DDX18: variants seen among roughly 807,000 people sequenced by gnomAD.
DDX18 encodes ATP-dependent RNA helicase DDX18.
In DDX18, 23 loss-of-function variants were observed where a neutral mutation model predicts 73.5. The observed-to-expected ratio is 0.31, with a 90% confidence interval of 0.23 to 0.44. The LOEUF is 0.44. DDX18 is among the 20% of genes least tolerant of loss of function. DDX18 has a pLI of 1.00. For missense variants in DDX18, 753 were observed against 792.9 expected (o/e 0.95, Z 0.60); for synonymous variants, 268 against 282.7 (o/e 0.95, Z 0.52).
chr2:117,823,752 CT>C, intron 7 of DDX18, among the ~76,000 whole-genome samples: 1 of 152,238 alleles, frequency 6.6e-6, no homozygotes, highest in East Asian at 1.9e-4. Context: ...AGCATTCAGT[CT>C]TTTACCATTA....
chr2:117,815,285 C>T (rs1239407042), intron 1 of DDX18, among the ~76,000 whole-genome samples: 1 of 152,144 alleles, frequency 6.6e-6, no homozygotes, highest in Non-Finnish European at 1.5e-5. Flanking sequence ...TATTTCTTTC[C>T]CCAAAAGCCC....
rs1221735161 is a variant in DDX18 at position 117,826,313 on chromosome 2, G to A, written c.1566G>A (p.Gly522=). ...GTAGAACAGCCAGAGGCCTAAATGG[G>A]AGAGGGCATGCCTTGCTCATTTTGC... ...RVGRTARGLN[G]RGHALLILRP... The change falls in exon 11 of 14, where the codon GGG becomes GGA. Residue 522 remains glycine (G), a synonymous_variant. Transcript: ENST00000263239. 1 of 1,614,004 alleles carries A rather than the reference G, an allele frequency of 6.2e-7. No homozygotes were observed. Among genetic ancestry groups the A allele is most frequent in the Non-Finnish European group, 8.5e-7 (1 of 1,179,976 alleles).
Position 117,814,758 on chromosome 2 carries a change from C to G in DDX18, c.-20C>G, listed in dbSNP as rs745507097. On this transcript the variant is annotated 5_prime_UTR_variant, in exon 1 of 14. Transcript: ENST00000263239. ...TAGCTGTACTGTGTGGCGCCTTATTCTAGGCACTTGTTGGGCAGAATGTCA... is the reference window on the plus strand; with the variant it reads ...TAGCTGTACTGTGTGGCGCCTTATTGTAGGCACTTGTTGGGCAGAATGTCA... 6.2e-6 allele frequency: 10 copies of G among 1,613,466 alleles called. No homozygotes were observed. The highest frequency in any genetic ancestry group is 1.7e-5 in the Admixed American group (1 of 60,024).
Position 117,831,677 on chromosome 2 carries a change from T to G in DDX18, c.*953T>G, listed in dbSNP as rs1558736073. 1 of 152,146 alleles carries G rather than the reference T, an allele frequency of 6.6e-6. No homozygotes were observed. Among genetic ancestry groups the G allele is most frequent in the Non-Finnish European group, 1.5e-5 (1 of 68,020 alleles). 9.4% of individuals were successfully genotyped at this position (152,146 alleles called of 1,614,324 possible). ...CCCAGCACACATTAATGTTAGCTTCTTTCTGAGAAAAAAATACCTCTTCCA... is the reference window on the plus strand; with the variant it reads ...CCCAGCACACATTAATGTTAGCTTCGTTCTGAGAAAAAAATACCTCTTCCA... On this transcript the variant is annotated 3_prime_UTR_variant, in exon 14 of 14. Coordinates refer to ENST00000263239, the MANE Select transcript of DDX18 (RefSeq NM_006773.4).
At chr2:117,825,634 T>A (rs1420645258) in intron 10 of DDX18, 35 bp downstream of exon 10, 2 of 1,603,922 alleles carry the variant, frequency 1.2e-6, no homozygotes, top group East Asian at 4.5e-5. Flanking sequence ...TCAGAATGAC[T>A]CTGCATTAAA....
At chr2:117,829,125 G>A (rs983560026) in intron 12 of DDX18, 120 bp downstream of exon 12, 131 of 1,130,636 alleles carry the variant, frequency 1.2e-4, no homozygotes, top group Non-Finnish European at 9.4e-5. Context: ...TGAGGATCAG[G>A]CTGTGTAGTG....
In DDX18 at chr2:117,817,551, T is replaced by C. The variant is rs376141912; in HGVS notation, c.193T>C (p.Leu65=). 4 of 1,613,896 alleles carry C rather than the reference T, an allele frequency of 2.5e-6. No homozygotes were observed. The African/African-American group carries it at 5.3e-5, about 22-fold the overall frequency. The part of the protein sequence containing the change: ...KSKQKPMNVG[L]SETQNGGMSQ... ...AAAACAAAAGCCCATGAATGTGGGC[T>C]TATCAGAAACTCAAAATGGAGGCAT... Residue 65 remains leucine (L), a synonymous_variant, in exon 2 of 14, where the codon TTA becomes CTA. Coordinates refer to ENST00000263239, the MANE Select transcript of DDX18 (RefSeq NM_006773.4).
At chr2:117,822,566 C>CTTGT in intron 7 of DDX18, 1 of 301,096 alleles carries the variant, frequency 3.3e-6, no homozygotes, top group Non-Finnish European at 6.4e-6. Flanking sequence ...TTTTGCCTTA[C>CTTGT]TTGTACATAC....
At chr2:117,818,474 G>A (rs1187417113) in intron 2 of DDX18, among the ~76,000 whole-genome samples, 1 of 152,092 alleles carries the variant, frequency 6.6e-6, no homozygotes, top group East Asian at 1.9e-4. Context: ...CTGAAATAAG[G>A]GTTTTATTTA....
intron 11 of DDX18, 166 bp downstream of exon 11, chr2:117,826,548 C>A: frequency 1.5e-6 from 1 of 657,392 alleles, no homozygotes; most frequent in East Asian, 2.8e-5. Flanking sequence ...AAGAAGTGAG[C>A]ACAGAAGGAA....
intron 11 of DDX18, 109 bp downstream of exon 11, chr2:117,826,491 C>A: frequency 1.0e-6 from 1 of 990,060 alleles, no homozygotes; most frequent in Non-Finnish European, 1.5e-6. Flanking sequence ...CTGTTACAAC[C>A]ATTCTTATGG....
At chr2:117,828,762 G>A (rs1679974238) in intron 11 of DDX18, 187 bp from the exon 12 acceptor site, 1 of 572,932 alleles carries the variant, frequency 1.7e-6, no homozygotes, top group East Asian at 2.9e-5. Context: ...AGAAAGAAGT[G>A]CAGATTGCCT....
intron 9 of DDX18, 105 bp from the exon 10 acceptor site, chr2:117,825,342 C>T (rs1679907503): frequency 2.2e-6 from 3 of 1,343,558 alleles, no homozygotes. Flanking sequence ...AGGACATAGG[C>T]CAAGGGATGA....
intron 11 of DDX18, chr2:117,827,881 A>G (rs1679960405): frequency 1.3e-5 from 2 of 152,260 alleles, no homozygotes; most frequent in African/African-American, 4.8e-5. Flanking sequence ...TTCTAGGTCT[A>G]GATCCTTGAG....
Position 117,829,363 on chromosome 2 carries a change from C to T in DDX18, c.1767C>T (p.Ala589=). 3.7e-6 allele frequency: 6 copies of T among 1,614,032 alleles called. No individual in the cohort carries two copies. The highest frequency in any genetic ancestry group is 5.1e-6 in the Non-Finnish European group (6 of 1,179,938). Residue 589 remains alanine (A), a synonymous_variant, in exon 13 of 14, where the codon GCC becomes GCT. Coordinates refer to ENST00000263239, the MANE Select transcript of DDX18 (RefSeq NM_006773.4). Reference sequence around the variant, plus strand: ...AAGCATATAAGTCATACATACGAGCCTATGATTCCCATTCTCTGAAACAGA... The same window carrying T: ...AAGCATATAAGTCATACATACGAGCTTATGATTCCCATTCTCTGAAACAGA... The part of the protein sequence containing the change: ...AQEAYKSYIR[A]YDSHSLKQIF...
At chr2:117,815,089 C>G in intron 1 of DDX18, 1 of 572,474 alleles carries the variant, frequency 1.7e-6, no homozygotes. Flanking sequence ...TGTCTTCTTA[C>G]AACGTTAGAG....
In DDX18 at chr2:117,829,185, A is replaced by G. The variant is rs1227856325; in HGVS notation, c.1693-104A>G. 6.9e-6 allele frequency: 9 copies of G among 1,301,828 alleles called. No individual in the cohort carries two copies. In the East Asian group the frequency reaches 9.4e-5, roughly 14 times the overall value. 80.6% of individuals were successfully genotyped at this position (1,301,828 alleles called of 1,614,324 possible). On this transcript the variant is annotated intron_variant, in intron 12 of 13. Transcript: ENST00000263239. ...TATCACCACTCTGTGCCCTCTTTAA[A>G]TGTTTTCCATGGAGTGGCTTTGCTC...
chr2:117,826,192 A>G, intron 10 of DDX18, 77 bp from the exon 11 acceptor site: 7 of 1,210,250 alleles, frequency 5.8e-6, no homozygotes, highest in Admixed American at 1.9e-5. Context: ...AGACATGCAC[A>G]TACTCAGGAT....
intron 2 of DDX18, among the ~76,000 whole-genome samples, chr2:117,819,323 C>T (rs1314365954): frequency 1.3e-5 from 2 of 152,164 alleles, no homozygotes; most frequent in Non-Finnish European, 2.9e-5. Context: ...AGAAAAATGA[C>T]TACTTATAAT....
Sources: gnomAD v4.1 joint callset for allele counts (sites outside exome capture counted in the v4.1 genomes callset) on GRCh38, gnomAD v4.1.1 for gene constraint, MANE v1.5 for transcripts, NCBI Gene and HGNC (gene_info 2026-07-23, HGNC 2026-07-21) for gene names.